CADPS2: variants seen among roughly 807,000 people sequenced by gnomAD.
CADPS2 encodes the protein calcium-dependent secretion activator 2.
A neutral mutation model predicts 172.5 loss-of-function variants in CADPS2; 93 were observed. The observed-to-expected ratio is 0.54, with a 90% CI of 0.46 to 0.64. The LOEUF (loss-of-function observed/expected upper bound fraction) is 0.64, where lower values mean the gene tolerates loss of function less well. CADPS2 is among the 30% of genes least tolerant of loss of function. The pLI, the probability that CADPS2 is intolerant of heterozygous loss-of-function variation, is 0.00. For missense variants in CADPS2, 1,420 were observed against 1,565.9 expected (o/e 0.91, Z 1.57); for synonymous variants, 546 against 555.2 (o/e 0.98, Z 0.23).
intron 12 of CADPS2, among the ~76,000 whole-genome samples, chr7:122,474,964 T>G (rs1259328833): frequency 6.6e-6 from 1 of 152,154 alleles, no homozygotes; most frequent in African/African-American, 2.4e-5. Flanking sequence ...CTTCCAGTCT[T>G]CTTTTTGTAT....
intron 9 of CADPS2, among the ~76,000 whole-genome samples, chr7:122,508,982 A>T (rs953443370): frequency 2.6e-5 from 4 of 152,196 alleles, no homozygotes; most frequent in Admixed American, 6.6e-5. Context: ...CATTTAAAGC[A>T]TAAAGCTATA....
At chr7:122,508,269 A>C (rs1011488106) in intron 9 of CADPS2, among the ~76,000 whole-genome samples, 3 of 151,986 alleles carry the variant, frequency 2.0e-5, no homozygotes, top group Non-Finnish European at 2.9e-5. Context: ...ATATATATGA[A>C]GATTAATATA....
At chr7:122,762,033 C>CT (rs1562957202) in intron 1 of CADPS2, among the ~76,000 whole-genome samples, 1 of 60,168 alleles carries the variant, frequency 1.7e-5, no homozygotes, top group African/African-American at 8.5e-5. Flanking sequence ...TATATATACA[C>CT]ACACACACAC....
chr7:122,683,496 T>A, intron 2 of CADPS2, among the ~76,000 whole-genome samples: 1 of 152,214 alleles, frequency 6.6e-6, no homozygotes, highest in East Asian at 1.9e-4. Context: ...TTAAAAATAC[T>A]TTTTGTTTCG....
intron 3 of CADPS2, among the ~76,000 whole-genome samples, chr7:122,638,909 G>A (rs1476779464): frequency 6.6e-6 from 1 of 152,124 alleles, no homozygotes; most frequent in Admixed American, 6.6e-5. Context: ...ATGTTTACTC[G>A]TCACTATTTC....
At chr7:122,678,669 A>G (rs2135741479) in intron 2 of CADPS2, among the ~76,000 whole-genome samples, 1 of 152,260 alleles carries the variant, frequency 6.6e-6, no homozygotes, top group Middle Eastern at 3.4e-3. Context: ...AAATGCAAAA[A>G]TGTGAAAGAT....
intron 4 of CADPS2, among the ~76,000 whole-genome samples, chr7:122,628,409 T>C (rs182321898): frequency 5.9e-5 from 9 of 152,064 alleles, no homozygotes; most frequent in African/African-American, 1.7e-4. Context: ...AAAATGAAGA[T>C]GTGTGCAGTT....
At chr7:122,451,675 T>G (rs2053136400) in intron 14 of CADPS2, among the ~76,000 whole-genome samples, 200 bp from the exon 15 acceptor site, 1 of 152,114 alleles carries the variant, frequency 6.6e-6, no homozygotes, top group Non-Finnish European at 1.5e-5. Context: ...AATTATTCTC[T>G]TTTAGACAGC....
chr7:122,582,500 T>C (rs149921842), intron 6 of CADPS2, among the ~76,000 whole-genome samples: 1 of 152,178 alleles, frequency 6.6e-6, no homozygotes, highest in African/African-American at 2.4e-5. Context: ...TTAATTTCTA[T>C]TTTAGACTTC....
intron 2 of CADPS2, among the ~76,000 whole-genome samples, chr7:122,680,221 C>T (rs997056364): frequency 6.6e-6 from 1 of 152,172 alleles, no homozygotes; most frequent in Non-Finnish European, 1.5e-5. Context: ...TTAAACAATC[C>T]CATTTCTTTA....
chr7:122,639,916 C>T (rs1264520583), intron 3 of CADPS2, among the ~76,000 whole-genome samples: 1 of 152,092 alleles, frequency 6.6e-6, no homozygotes, highest in Non-Finnish European at 1.5e-5. Context: ...TCTGATCTTC[C>T]AAGTGTGTAT....
rs532866558 is a variant in CADPS2 at position 122,622,977 on chromosome 7, G to C, written c.868-1260C>G. On this transcript the variant is annotated intron_variant, in intron 4 of 29. Coordinates refer to ENST00000449022, the MANE Select transcript of CADPS2 (RefSeq NM_017954.11). Reference sequence around the variant, plus strand: ...TTCACAGATCAGTCCCAGAGTCTCAGGCCACCTGCTTTTCTTCTCCTCCAA... The same window carrying C: ...TTCACAGATCAGTCCCAGAGTCTCACGCCACCTGCTTTTCTTCTCCTCCAA... Among the ~76,000 whole-genome samples the C allele has an allele frequency of 1.6e-3, 239 of 152,152 alleles. 2 individuals carry two copies. The highest frequency in any genetic ancestry group is 5.7e-3 in the African/African-American group (235 of 41,514).
rs914147930 is a variant in CADPS2 at position 122,474,626 on chromosome 7, T to A, written c.1862-109A>T. 3 of 999,666 alleles carry A rather than the reference T, an allele frequency of 3.0e-6. No homozygotes were observed. In the African/African-American group the frequency reaches 4.8e-5, roughly 16 times the overall value. 61.9% of individuals were successfully genotyped at this position (999,666 alleles called of 1,614,324 possible). A position where few individuals can be genotyped will look rare whatever the true frequency, so the allele number is the denominator to read the frequency against. On this transcript the variant is annotated intron_variant, in intron 12 of 29. Transcript: ENST00000449022. ...GTGACTCAAGCAGAAGACTACCTTT[T>A]ATCACATGAAATATGATGCCAAGAG...
chr7:122,718,966 G>A (rs2090030727), intron 2 of CADPS2, among the ~76,000 whole-genome samples: 1 of 152,066 alleles, frequency 6.6e-6, no homozygotes, highest in African/African-American at 2.4e-5. Flanking sequence ...GCCACCTACT[G>A]TTTTGATAAT....
chr7:122,609,949 A>T (rs2074083521), intron 6 of CADPS2, among the ~76,000 whole-genome samples: 2 of 152,166 alleles, frequency 1.3e-5, no homozygotes, highest in Non-Finnish European at 2.9e-5. Flanking sequence ...AAGTAACGAC[A>T]CTGTGACACT....
intron 6 of CADPS2, among the ~76,000 whole-genome samples, chr7:122,612,919 A>G (rs1429367028): frequency 2.6e-5 from 4 of 152,154 alleles, no homozygotes; most frequent in African/African-American, 9.6e-5. Context: ...TTTTCAAAAA[A>G]GGATAAAAAG....
chr7:122,769,791 T>C (rs2093657086), intron 1 of CADPS2, among the ~76,000 whole-genome samples: 1 of 152,174 alleles, frequency 6.6e-6, no homozygotes, highest in South Asian at 2.1e-4. Flanking sequence ...TTGTTGACTG[T>C]GTAACCTTGG....
chr7:122,726,070 A>T (rs1210080590), intron 2 of CADPS2, among the ~76,000 whole-genome samples: 1 of 151,934 alleles, frequency 6.6e-6, no homozygotes, highest in East Asian at 1.9e-4. Flanking sequence ...ACCACTCTAA[A>T]TAAAACTCCC....
intron 1 of CADPS2, among the ~76,000 whole-genome samples, chr7:122,847,072 T>G (rs559546770): frequency 6.6e-6 from 1 of 152,324 alleles, no homozygotes; most frequent in African/African-American, 2.4e-5. Context: ...TTCTCCATTA[T>G]TCTTCACATT....
Sources: gnomAD v4.1 joint callset for allele counts (sites outside exome capture counted in the v4.1 genomes callset) on GRCh38, gnomAD v4.1.1 for gene constraint, MANE v1.5 for transcripts, NCBI Gene and HGNC (gene_info 2026-07-23, HGNC 2026-07-21) for gene names.